ZDHHC2: variants seen among roughly 807,000 people sequenced by gnomAD.
The protein encoded by ZDHHC2 is zDHHC palmitoyltransferase 2.
Under a neutral mutation model 55.6 loss-of-function variants are expected in ZDHHC2, and 51 were observed. The ratio of observed to expected loss-of-function variants is 0.92; its 90% CI spans 0.73 to 1.16. ZDHHC2 has a LOEUF of 1.16. Ranked by LOEUF, ZDHHC2 falls within the 50% of genes most tolerant of loss-of-function variation. The pLI is 0.00. For missense variants in ZDHHC2, 491 were observed against 442.4 expected, an observed-to-expected ratio of 1.11 and a Z score of -0.99; for synonymous variants, 199 against 152.9, an observed-to-expected ratio of 1.30 and a Z score of -2.22.
At position 17,199,595 on chromosome 8, in the gene ZDHHC2, C is replaced by A. The variant is rs1173039949; in HGVS notation, c.476+1182C>A. 2.0e-4 allele frequency among the ~76,000 whole-genome samples: 8 copies of A among 39,040 alleles called. 1 individual carries two copies. The highest frequency in any genetic ancestry group is 1.7e-3 in the Admixed American group (6 of 3,482). 25.6% of individuals were successfully genotyped at this position (39,040 alleles called of 152,430 possible). On this transcript the variant is annotated intron_variant, in intron 6 of 12. Transcript: ENST00000262096. Reference sequence around the variant, plus strand: ...CTTTGTCTTCTTCTTCTTCTTTCTTCTTCTTTATTCTTTCTTCTTCTTCTT... The same window carrying A: ...CTTTGTCTTCTTCTTCTTCTTTCTTATTCTTTATTCTTTCTTCTTCTTCTT...
rs747291115 is a variant in ZDHHC2, at chr8:17,215,302, C to G, written c.1016C>G (p.Ser339Cys). The change falls in exon 11 of 13, where the codon TCT becomes TGT. Residue 339 changes from serine (S) to cysteine (C), a missense_variant. Transcript: ENST00000262096. ...TCCCAGAGCCACCTTCTTACTGATT[C>G]TCAGTCTTGGACGGAGAGCAGCATA... Reference protein sequence around the residue: ...RESQSHLLTDSQSWTESSINP... With the variant: ...RESQSHLLTDCQSWTESSINP... 3.7e-6 allele frequency: 6 copies of G among 1,600,204 alleles called. No homozygotes were observed. Among genetic ancestry groups the G allele is most frequent in the East Asian group, 2.2e-5 (1 of 44,480 alleles).
chr8:17,199,835 C>G (rs562139916), intron 6 of ZDHHC2, among the ~76,000 whole-genome samples: 1 of 150,488 alleles, frequency 6.6e-6, no homozygotes, highest in African/African-American at 2.5e-5. Flanking sequence ...TCTCAGCTCA[C>G]TGCAACCTCT....
chr8:17,219,668 A>C (rs1221870029), intron 12 of ZDHHC2, among the ~76,000 whole-genome samples: 1 of 152,116 alleles, frequency 6.6e-6, no homozygotes, highest in African/African-American at 2.4e-5. Context: ...CCAGAGGCTG[A>C]GGTGGGAGGA....
At position 17,199,598 on chromosome 8, in the gene ZDHHC2, CTTTATT is replaced by C. The variant is rs1806604190; in HGVS notation, c.476+1186_476+1191del. Among the ~76,000 whole-genome samples, 3 of 39,156 alleles carry C rather than the reference CTTTATT, an allele frequency of 7.7e-5. 1 individual carries two copies. Among genetic ancestry groups the C allele is most frequent in the Non-Finnish European group, 1.1e-4 (1 of 9,222 alleles). The allele number at this position is 39,156 out of a possible 152,430, so 25.7% of individuals were successfully genotyped here. A position where few individuals can be genotyped will look rare whatever the true frequency, so the allele number is the denominator to read the frequency against. ...TGTCTTCTTCTTCTTCTTTCTTCTT[CTTTATT>C]CTTTCTTCTTCTTCTTCTTCCTTTC... On this transcript the variant is annotated intron_variant, in intron 6 of 12. Coordinates refer to ENST00000262096, the MANE Select transcript of ZDHHC2 (RefSeq NM_016353.5).
rs1554466016 is a variant in ZDHHC2, at chr8:17,199,509, T to TTCGTCTTCGTCTTCG, written c.476+1098_476+1099insGTCTTCGTCTTCGTC. ...CTTCTTCTTCTTCTTCTTCTTCTTCTTCTTCGTCTTCGTCTTCGTCTTCTG... is the reference window on the plus strand; with the variant it reads ...CTTCTTCTTCTTCTTCTTCTTCTTCTTCGTCTTCGTCTTCGTCTTCGTCTTCGTCTTCGTCTTCTG... On this transcript the variant is annotated intron_variant, in intron 6 of 12. Coordinates refer to ENST00000262096, the MANE Select transcript of ZDHHC2 (RefSeq NM_016353.5). Among the ~76,000 whole-genome samples the TTCGTCTTCGTCTTCG allele has an allele frequency of 1.7e-3, 212 of 121,148 alleles. 5 individuals are homozygous for TTCGTCTTCGTCTTCG. Among genetic ancestry groups the TTCGTCTTCGTCTTCG allele is most frequent in the East Asian group, 0.012 (41 of 3,544 alleles). 79.5% of individuals were successfully genotyped at this position (121,148 alleles called of 152,430 possible). A position where few individuals can be genotyped will look rare whatever the true frequency, so the allele number is the denominator to read the frequency against.
intron 8 of ZDHHC2, among the ~76,000 whole-genome samples, chr8:17,208,340 A>T (rs1379733875): frequency 2.0e-5 from 3 of 150,574 alleles, no homozygotes; most frequent in Non-Finnish European, 3.0e-5. Flanking sequence ...AGATATATAG[A>T]TATAGTGGCA....
intron 1 of ZDHHC2, among the ~76,000 whole-genome samples, chr8:17,165,335 C>A (rs1300382319): frequency 6.6e-6 from 1 of 152,194 alleles, no homozygotes; most frequent in Admixed American, 6.5e-5. Context: ...GCCAGGGCAT[C>A]TTCAGAGAGG....
intron 1 of ZDHHC2, among the ~76,000 whole-genome samples, chr8:17,173,462 G>T (rs1804966833): frequency 6.6e-6 from 1 of 152,014 alleles, no homozygotes; most frequent in Admixed American, 6.6e-5. Context: ...AATCATTTGA[G>T]CCCAGGAGTT....
Position 17,190,736 on chromosome 8 carries a change from G to GAT in ZDHHC2, c.252+4320_252+4321dup, listed in dbSNP as rs1177879138. ...AAAAAAAACTTGTGAGTACCTAATA[G>GAT]ATATATATATTTATGGGGTACCTGA... is the stretch of plus-strand genomic sequence containing the variant. On this transcript the variant is annotated intron_variant, in intron 3 of 12. Coordinates refer to ENST00000262096, the MANE Select transcript of ZDHHC2 (RefSeq NM_016353.5). 2.0e-5 allele frequency among the ~76,000 whole-genome samples: 3 copies of GAT among 151,886 alleles called. No individual in the cohort carries two copies. The East Asian group carries it at 5.8e-4, about 30-fold the overall frequency.
At chr8:17,187,997 C>A (rs1344298387) in intron 3 of ZDHHC2, among the ~76,000 whole-genome samples, 1 of 152,162 alleles carries the variant, frequency 6.6e-6, no homozygotes, top group African/African-American at 2.4e-5. Context: ...TCATCATCTC[C>A]CTTGTCTGAG....
intron 6 of ZDHHC2, among the ~76,000 whole-genome samples, chr8:17,199,615 C>CCTTTCTTCTTCTTCCT (rs1204776190): frequency 2.0e-5 from 1 of 50,708 alleles, no homozygotes; most frequent in Non-Finnish European, 8.1e-5. Context: ...CTTTCTTCTT[C>CCTTTCTTCTTCTTCCT]TTCTTCTTCC....
chr8:17,178,633 G>T (rs143362565), intron 1 of ZDHHC2, among the ~76,000 whole-genome samples: 1 of 152,306 alleles, frequency 6.6e-6, no homozygotes, highest in East Asian at 1.9e-4. Flanking sequence ...GCATCTAGCT[G>T]TGTTTGGACC....
intron 2 of ZDHHC2, among the ~76,000 whole-genome samples, chr8:17,185,129 G>C (rs1002292067): frequency 7.2e-5 from 11 of 152,120 alleles, no homozygotes; most frequent in African/African-American, 2.2e-4. Context: ...GAAAAATATT[G>C]TTGGCTTTAG....
At chr8:17,195,676 G>A (rs1806271505) in intron 4 of ZDHHC2, 52 bp downstream of exon 4, 2 of 1,606,126 alleles carry the variant, frequency 1.2e-6, no homozygotes, top group Non-Finnish European at 1.7e-6. Context: ...ACATCATTAA[G>A]GTGACTGTAA....
intron 10 of ZDHHC2, among the ~76,000 whole-genome samples, chr8:17,213,628 C>G (rs1013213996): frequency 6.6e-6 from 1 of 152,144 alleles, no homozygotes; most frequent in Non-Finnish European, 1.5e-5. Flanking sequence ...GTTTATTTCT[C>G]TTCCTCCATA....
intron 1 of ZDHHC2, among the ~76,000 whole-genome samples, chr8:17,175,172 A>G (rs1344759083): frequency 6.6e-6 from 1 of 152,166 alleles, no homozygotes; most frequent in East Asian, 1.9e-4. Context: ...ATCAGACTCC[A>G]TAGGGCGTTG....
intron 1 of ZDHHC2, among the ~76,000 whole-genome samples, chr8:17,176,117 G>A (rs1192398043): frequency 1.3e-5 from 2 of 152,164 alleles, no homozygotes; most frequent in Non-Finnish European, 2.9e-5. Flanking sequence ...TTAGTGAGAT[G>A]ATATCACTGA....
At chr8:17,173,615 C>T (rs1177208717) in intron 1 of ZDHHC2, among the ~76,000 whole-genome samples, 3 of 149,466 alleles carry the variant, frequency 2.0e-5, no homozygotes, top group Non-Finnish European at 4.4e-5. Flanking sequence ...TCTGGGTGGT[C>T]GAGGCAGCAT....
intron 1 of ZDHHC2, among the ~76,000 whole-genome samples, chr8:17,179,458 G>C (rs938740383): frequency 2.0e-5 from 3 of 151,966 alleles, no homozygotes; most frequent in Non-Finnish European, 4.4e-5. Context: ...GCACAGGCTG[G>C]AGTACAGTGA....
Sources: allele counts gnomAD v4.1 joint callset (sites outside exome capture counted in the v4.1 genomes callset), GRCh38; gene constraint gnomAD v4.1.1; transcripts MANE v1.5; gene names NCBI Gene and HGNC (gene_info 2026-07-23, HGNC 2026-07-21).